The following GRM1 variants were observed in gnomAD, a reference collection of about 807,000 sequenced individuals.
GRM1 encodes glutamate metabotropic receptor 1.
In GRM1, 33 loss-of-function variants were observed where a neutral mutation model predicts 90.9. The observed-to-expected ratio is 0.36, with a 90% CI of 0.28 to 0.49. GRM1 has a LOEUF of 0.49. Among genes scored for constraint, GRM1 ranks in the 20% least tolerant of loss-of-function variants. The pLI is 0.99. For missense variants in GRM1, 1,190 were observed against 1,534.3 expected, an observed-to-expected ratio of 0.78 and a Z score of 3.75; for synonymous variants, 700 against 613.2, an observed-to-expected ratio of 1.14 and a Z score of -2.09.
intron 1 of GRM1, among the ~76,000 whole-genome samples, chr6:146,155,742 C>T (rs1203471694): frequency 6.6e-6 from 1 of 152,170 alleles, no homozygotes; most frequent in Non-Finnish European, 1.5e-5. Context: ...TGGGATGAAC[C>T]TTCCAATTTC....
At chr6:146,314,527 T>C (rs1029739636) in intron 3 of GRM1, among the ~76,000 whole-genome samples, 3 of 152,220 alleles carry the variant, frequency 2.0e-5, no homozygotes. Flanking sequence ...CATTTTTCTT[T>C]GGTCAGTTCT....
chr6:146,230,163 T>TA (rs1780398200), intron 2 of GRM1, among the ~76,000 whole-genome samples: 1 of 152,222 alleles, frequency 6.6e-6, no homozygotes, highest in Non-Finnish European at 1.5e-5. Flanking sequence ...CATTGTTTTC[T>TA]ACTAAGCTGC....
At chr6:146,404,589 C>T (rs866509334) in intron 7 of GRM1, among the ~76,000 whole-genome samples, 26 of 152,214 alleles carry the variant, frequency 1.7e-4, no homozygotes, top group Middle Eastern at 3.4e-3. Context: ...TTGTGCTATG[C>T]TAGACTATTT....
At chr6:146,158,005 T>G (rs931020827) in intron 1 of GRM1, among the ~76,000 whole-genome samples, 1 of 152,180 alleles carries the variant, frequency 6.6e-6, no homozygotes, top group Non-Finnish European at 1.5e-5. Flanking sequence ...ATGAAATAAT[T>G]TATTCCTTCT....
intron 1 of GRM1, among the ~76,000 whole-genome samples, chr6:146,109,545 G>T (rs978087660): frequency 1.3e-5 from 2 of 152,218 alleles, no homozygotes; most frequent in African/African-American, 4.8e-5. Flanking sequence ...TCCTCATGGA[G>T]AACCTCTGCT....
intron 1 of GRM1, among the ~76,000 whole-genome samples, chr6:146,114,340 A>T (rs1008199559): frequency 6.6e-6 from 1 of 152,206 alleles, no homozygotes; most frequent in African/African-American, 2.4e-5. Flanking sequence ...TGCTTTTCTA[A>T]TAATTGGAAA....
chr6:146,109,668 A>T (rs1250419880), intron 1 of GRM1, among the ~76,000 whole-genome samples: 1 of 152,120 alleles, frequency 6.6e-6, no homozygotes, highest in Non-Finnish European at 1.5e-5. Flanking sequence ...CCCCAGAATG[A>T]TAGATCCACT....
chr6:146,374,441 G>A (rs1399067212), intron 5 of GRM1, among the ~76,000 whole-genome samples: 2 of 152,068 alleles, frequency 1.3e-5, no homozygotes, highest in African/African-American at 4.8e-5. Flanking sequence ...GAGTAGAATT[G>A]GTATTAGGTT....
intron 2 of GRM1, among the ~76,000 whole-genome samples, chr6:146,213,161 G>T (rs1289953521): frequency 6.6e-6 from 1 of 152,062 alleles, no homozygotes; most frequent in Admixed American, 6.6e-5. Flanking sequence ...AGGGCAGGAG[G>T]GAATGGAAAG....
intron 2 of GRM1, among the ~76,000 whole-genome samples, chr6:146,271,610 G>T (rs1052528043): frequency 1.3e-5 from 2 of 152,158 alleles, no homozygotes; most frequent in African/African-American, 4.8e-5. Context: ...TTTGAGCTTT[G>T]CCTGTCATTA....
At chr6:146,105,646 C>A (rs920726344) in intron 1 of GRM1, among the ~76,000 whole-genome samples, 6 of 151,288 alleles carry the variant, frequency 4.0e-5, no homozygotes, top group African/African-American at 1.2e-4. Flanking sequence ...GCACTAGAAT[C>A]TTTGCTATAT....
At chr6:146,305,513 T>G (rs758653183) in intron 3 of GRM1, among the ~76,000 whole-genome samples, 6 of 152,210 alleles carry the variant, frequency 3.9e-5, no homozygotes, top group African/African-American at 9.6e-5. Flanking sequence ...TTTATGAGTA[T>G]TATTATTACT....
chr6:146,203,567 A>T (rs908959135), intron 2 of GRM1, among the ~76,000 whole-genome samples: 4 of 152,228 alleles, frequency 2.6e-5, no homozygotes, highest in African/African-American at 9.6e-5. Flanking sequence ...TTTCAGGGAC[A>T]GTTTTATGCT....
intron 2 of GRM1, among the ~76,000 whole-genome samples, chr6:146,188,290 T>G (rs1778809733): frequency 6.6e-6 from 1 of 152,142 alleles, no homozygotes. Context: ...TCCTTTTTTG[T>G]TAATATGAGT....
At chr6:146,121,872 T>C (rs1776001957) in intron 1 of GRM1, among the ~76,000 whole-genome samples, 1 of 152,254 alleles carries the variant, frequency 6.6e-6, no homozygotes, top group South Asian at 2.1e-4. Context: ...AATTTTGGAA[T>C]AAGTGCAATG....
chr6:146,101,567 G>A (rs529787109), intron 1 of GRM1, among the ~76,000 whole-genome samples: 22 of 151,946 alleles, frequency 1.4e-4, no homozygotes, highest in Non-Finnish European at 2.8e-4. Context: ...AACCTGCTGC[G>A]ATTTGATTGC....
intron 2 of GRM1, among the ~76,000 whole-genome samples, chr6:146,304,106 T>C (rs1488447778): frequency 1.3e-5 from 2 of 152,200 alleles, no homozygotes; most frequent in Non-Finnish European, 2.9e-5. Flanking sequence ...TTGAATGATG[T>C]CCCAGGAGGA....
intron 1 of GRM1, among the ~76,000 whole-genome samples, chr6:146,058,144 A>G (rs899403021): frequency 2.0e-5 from 3 of 152,118 alleles, no homozygotes; most frequent in Non-Finnish European, 2.9e-5. Context: ...TTATGTAGAT[A>G]ACGAGCTGTC....
chr6:146,034,341 T>C (rs1268574738), intron 1 of GRM1, among the ~76,000 whole-genome samples: 2 of 151,840 alleles, frequency 1.3e-5, no homozygotes, highest in Non-Finnish European at 2.9e-5. Flanking sequence ...TCCAGTTCCT[T>C]CACTCATGCA....
Sources: gnomAD v4.1 joint callset for allele counts (sites outside exome capture counted in the v4.1 genomes callset) on GRCh38, gnomAD v4.1.1 for gene constraint, MANE v1.5 for transcripts, NCBI Gene and HGNC (gene_info 2026-07-23, HGNC 2026-07-21) for gene names.